Variants in GTF2F2 observed in about 807,000 individuals in gnomAD.
GTF2F2 encodes the protein general transcription factor IIF subunit 2.
Under a neutral mutation model 42.2 loss-of-function variants are expected in GTF2F2, and 23 were observed. The observed-to-expected ratio is 0.55, with a 90% CI of 0.39 to 0.77. The LOEUF (loss-of-function observed/expected upper bound fraction) is 0.77. GTF2F2 is among the 30% of genes least tolerant of loss of function. GTF2F2 has a pLI of 0.00. For missense variants in GTF2F2, 261 were observed against 287.2 expected, an observed-to-expected ratio of 0.91 and a Z score of 0.66; for synonymous variants, 105 against 100.8, an observed-to-expected ratio of 1.04 and a Z score of -0.25.
At chr13:45,227,756 C>T (rs1477084775) in intron 5 of GTF2F2, among the ~76,000 whole-genome samples, 1 of 152,146 alleles carries the variant, frequency 6.6e-6, no homozygotes, top group Non-Finnish European at 1.5e-5. Context: ...ATTTTTCCTT[C>T]TTTAACACCA....
chr13:45,220,540 C>G (rs536556854), intron 5 of GTF2F2, among the ~76,000 whole-genome samples: 1 of 151,940 alleles, frequency 6.6e-6, no homozygotes, highest in Admixed American at 6.6e-5. Flanking sequence ...TAGACTTTGA[C>G]TAGATAAAGA....
At chr13:45,263,882 G>C (rs1332699554) in intron 6 of GTF2F2, 1 of 196,184 alleles carries the variant, frequency 5.1e-6, no homozygotes, top group Admixed American at 4.6e-5. Flanking sequence ...ATATTGAGGA[G>C]ATGAGGAAGG....
At chr13:45,168,194 A>G (rs1053038661) in intron 4 of GTF2F2, among the ~76,000 whole-genome samples, 2 of 152,176 alleles carry the variant, frequency 1.3e-5, no homozygotes, top group Non-Finnish European at 2.9e-5. Flanking sequence ...ACAGACTCCT[A>G]TAGATTAGGG....
intron 5 of GTF2F2, among the ~76,000 whole-genome samples, chr13:45,226,356 G>C (rs985554509): frequency 6.6e-6 from 1 of 152,104 alleles, no homozygotes; most frequent in African/African-American, 2.4e-5. Context: ...ATATCTTAGA[G>C]GGTGGGCCTT....
At chr13:45,124,754 T>G (rs930707817) in intron 1 of GTF2F2, among the ~76,000 whole-genome samples, 2 of 151,848 alleles carry the variant, frequency 1.3e-5, no homozygotes, top group Non-Finnish European at 2.9e-5. Context: ...TTAGTAGAGA[T>G]GGGGTTTCAC....
chr13:45,230,251 G>A (rs1465325025), intron 5 of GTF2F2, among the ~76,000 whole-genome samples: 1 of 152,032 alleles, frequency 6.6e-6, no homozygotes, highest in Non-Finnish European at 1.5e-5. Flanking sequence ...AAGGATGGTA[G>A]GAGAGGTAAC....
chr13:45,276,483 C>T (rs1244292832), intron 7 of GTF2F2, among the ~76,000 whole-genome samples: 4 of 151,712 alleles, frequency 2.6e-5, no homozygotes, highest in African/African-American at 9.7e-5. Flanking sequence ...ACCACCCATC[C>T]TGGGGTGCAA....
intron 6 of GTF2F2, among the ~76,000 whole-genome samples, chr13:45,255,335 G>C (rs1593521022): frequency 6.6e-6 from 1 of 152,266 alleles, no homozygotes; most frequent in Non-Finnish European, 1.5e-5. Context: ...GTGGAACAAT[G>C]AAATTTAAGA....
intron 4 of GTF2F2, among the ~76,000 whole-genome samples, chr13:45,185,056 C>T (rs945186572): frequency 6.6e-6 from 1 of 152,100 alleles, no homozygotes; most frequent in Non-Finnish European, 1.5e-5. Flanking sequence ...CTCCTGGGCT[C>T]AAGTGATCCT....
chr13:45,202,352 A>C (rs956174937), intron 4 of GTF2F2, among the ~76,000 whole-genome samples: 5 of 152,192 alleles, frequency 3.3e-5, no homozygotes, highest in Non-Finnish European at 7.3e-5. Flanking sequence ...GCGCCACTGC[A>C]CTCCAGTCTA....
At chr13:45,156,816 T>G (rs182099489) in intron 4 of GTF2F2, among the ~76,000 whole-genome samples, 1 of 152,202 alleles carries the variant, frequency 6.6e-6, no homozygotes, top group Non-Finnish European at 1.5e-5. Flanking sequence ...AGTGACTTTT[T>G]TGCTTTCATT....
At chr13:45,187,528 TA>T (rs1007799449) in intron 4 of GTF2F2, among the ~76,000 whole-genome samples, 1 of 152,232 alleles carries the variant, frequency 6.6e-6, no homozygotes, top group African/African-American at 2.4e-5. Flanking sequence ...CACCTCTTCA[TA>T]AATTTTTTTA....
Position 45,228,283 on chromosome 13 carries a change from C to CTTTTTTTTTTTTTTTTTTTTTTTTTTTT in GTF2F2, c.386+20794_386+20795insTTTTTTTTTTTTTTTTTTTTTTTTTTTT, listed in dbSNP as rs372901327. Reference sequence around the variant, plus strand: ...TTTCCTTATTGCTGCCAGAGTTAATCTTTTTTTTTTTTTTTTGGAGACGGA... The same window carrying CTTTTTTTTTTTTTTTTTTTTTTTTTTTT: ...TTTCCTTATTGCTGCCAGAGTTAATCTTTTTTTTTTTTTTTTTTTTTTTTTTTTTTTTTTTTTTTTTTTTGGAGACGGA... On this transcript the variant is annotated intron_variant, in intron 5 of 7. Coordinates refer to ENST00000340473, the MANE Select transcript of GTF2F2 (RefSeq NM_004128.3). 1.9e-3 allele frequency among the ~76,000 whole-genome samples: 174 copies of CTTTTTTTTTTTTTTTTTTTTTTTTTTTT among 92,676 alleles called. 14 individuals are homozygous for CTTTTTTTTTTTTTTTTTTTTTTTTTTTT. The highest frequency in any genetic ancestry group is 0.012 in the Middle Eastern group (2 of 172). The allele number at this position is 92,676 out of a possible 152,430, so 60.8% of individuals were successfully genotyped here.
At chr13:45,139,316 C>G (rs1241139490) in intron 2 of GTF2F2, among the ~76,000 whole-genome samples, 1 of 152,176 alleles carries the variant, frequency 6.6e-6, no homozygotes, top group Non-Finnish European at 1.5e-5. Flanking sequence ...TTCATTTCAA[C>G]TGAAAATAAG....
At chr13:45,153,154 T>C (rs542792167) in intron 4 of GTF2F2, among the ~76,000 whole-genome samples, 21 of 151,498 alleles carry the variant, frequency 1.4e-4, no homozygotes, top group Non-Finnish European at 2.2e-4. Context: ...GGACTACAGG[T>C]GCCCGCCACC....
chr13:45,174,627 C>CTTTTT (rs1871774212), intron 4 of GTF2F2, among the ~76,000 whole-genome samples: 1 of 92,192 alleles, frequency 1.1e-5, no homozygotes, highest in African/African-American at 4.5e-5. Context: ...GCACTGTTTT[C>CTTTTT]TTTTTTCTTT....
At chr13:45,209,999 C>G (rs1873567760) in intron 5 of GTF2F2, among the ~76,000 whole-genome samples, 1 of 152,168 alleles carries the variant, frequency 6.6e-6, no homozygotes, top group African/African-American at 2.4e-5. Context: ...GCCATTATTT[C>G]TTACCTGGAT....
chr13:45,197,935 T>G (rs1007486840), intron 4 of GTF2F2, among the ~76,000 whole-genome samples: 1 of 152,226 alleles, frequency 6.6e-6, no homozygotes, highest in South Asian at 2.1e-4. Context: ...CTGGATCCAC[T>G]TGGCCACTAG....
chr13:45,251,679 T>G (rs1875885348), intron 5 of GTF2F2, among the ~76,000 whole-genome samples: 1 of 152,174 alleles, frequency 6.6e-6, no homozygotes, highest in Admixed American at 6.5e-5. Context: ...CACTGCTTCC[T>G]ATTGGATTCA....
Sources: allele counts gnomAD v4.1 joint callset (sites outside exome capture counted in the v4.1 genomes callset), GRCh38; gene constraint gnomAD v4.1.1; transcripts MANE v1.5; gene names NCBI Gene and HGNC (gene_info 2026-07-23, HGNC 2026-07-21).